The following YJU2 variants were observed in gnomAD, a reference collection of about 807,000 sequenced individuals.
YJU2 encodes YJU2 splicing factor homolog.
A neutral mutation model predicts 39.6 loss-of-function variants in YJU2; 28 were observed. The ratio of observed to expected loss-of-function variants is 0.71; its 90% CI spans 0.52 to 0.97. The LOEUF (loss-of-function observed/expected upper bound fraction) is 0.97. Ranked by LOEUF, YJU2 falls within the 50% of genes least tolerant of loss-of-function variation. The pLI is 0.00. For missense variants in YJU2, 328 were observed against 430.4 expected, an observed-to-expected ratio of 0.76 and a Z score of 2.11; for synonymous variants, 184 against 182.4, an observed-to-expected ratio of 1.01 and a Z score of -0.07.
rs59055495 is a variant in YJU2, at chr19:4,267,633, C to T, written c.718C>T (p.Pro240Ser). The T allele has an allele frequency of 1.4e-4, 225 of 1,612,932 alleles. 1 individual carries two copies. The African/African-American group carries it at 2.9e-3, about 21-fold the overall frequency. The change falls in exon 7 of 8, where the codon CCC becomes TCC. Residue 240 changes from proline to serine, a missense_variant. Pro to Ser is a moderately conservative substitution (Grantham distance 74). Coordinates refer to ENST00000262962, the MANE Select transcript of YJU2 (RefSeq NM_018074.6). ...TCCCCATCACCTGCAGGCCCCAAAG[C>T]CCAAGAGGAAGGTGGAGGTCTGGGA... ...PTAILDEAPK[P>S]KRKVEVWEQS...
intron 2 of YJU2, 90 bp from the exon 3 acceptor site, chr19:4,250,937 A>G: frequency 6.9e-7 from 1 of 1,452,514 alleles, no homozygotes; most frequent in Non-Finnish European, 9.5e-7. Context: ...GAGGCAAGCA[A>G]GCAGTGATCT....
intron 4 of YJU2, among the ~76,000 whole-genome samples, chr19:4,257,675 T>C (rs1971032643): frequency 6.6e-6 from 1 of 152,132 alleles, no homozygotes; most frequent in African/African-American, 2.4e-5. Context: ...GGTTTCGTCA[T>C]GTTGGCCAGG....
chr19:4,247,580 CGCGTGTGTGTGTGTGTGTGTGT>C (rs1970932525), intron 1 of YJU2, among the ~76,000 whole-genome samples: 1 of 46,236 alleles, frequency 2.2e-5, no homozygotes, highest in Non-Finnish European at 3.7e-5. Flanking sequence ...GGTGGGGTGG[CGCGTGTGTGTGTGTGTGTGTGT>C]GTGTGTGTGT....
chr19:4,259,084 T>C lies in YJU2; in HGVS notation c.587+661T>C, dbSNP rs1372604937. On this transcript the variant is annotated intron_variant, in intron 5 of 7. Coordinates refer to ENST00000262962, the MANE Select transcript of YJU2 (RefSeq NM_018074.6). ...GTGAACACTTTTCTTTTTTTTTTTT[T>C]TTTTTTTTTTTTTTTTGAGACGGAG... 4.5e-5 allele frequency among the ~76,000 whole-genome samples: 6 copies of C among 131,948 alleles called. No individual in the cohort carries two copies. The East Asian group carries it at 8.8e-4, about 19-fold the overall frequency. 86.6% of individuals were successfully genotyped at this position (131,948 alleles called of 152,430 possible).
At position 4,267,683 on chromosome 19, in the gene YJU2, C is replaced by T. The variant is rs1278219722; in HGVS notation, c.768C>T (p.Ser256=). 3 of 1,613,348 alleles carry T rather than the reference C, an allele frequency of 1.9e-6. No individual in the cohort carries two copies. Among genetic ancestry groups the T allele is most frequent in the Non-Finnish European group, 2.5e-6 (3 of 1,179,928 alleles). Residue 256 remains serine, a synonymous_variant, in exon 7 of 8, where the codon AGC becomes AGT. Transcript: ENST00000262962. ...VWEQSVGSLG[S]RPPLSRLVVV... ...AGCAGAGCGTTGGCAGCCTGGGCAG[C>T]CGGCCCCCGCTGTCGAGGCTGGTCG...
At chr19:4,257,699 C>G (rs1971032779) in intron 4 of YJU2, among the ~76,000 whole-genome samples, 1 of 152,118 alleles carries the variant, frequency 6.6e-6, no homozygotes, top group African/African-American at 2.4e-5. Context: ...GTCTTGAACT[C>G]CTGACCTCAA....
rs149205268 is a variant in YJU2 at position 4,251,039 on chromosome 19, C to T, written c.138C>T (p.Cys46=). The T allele has an allele frequency of 6.3e-5, 102 of 1,614,126 alleles. No homozygotes were observed. The African/African-American group carries it at 8.4e-4, about 13-fold the overall frequency. The change falls in exon 3 of 8, where the codon TGC becomes TGT. Residue 46 remains cysteine, a synonymous_variant. Transcript: ENST00000262962. ...TGCTGCCCCGCAGGTGTAAGACGTG[C>T]GGAGAATACATCTACAAGGGGAAGA... ...MAPFNMRCKT[C]GEYIYKGKKF...
chr19:4,247,431 C>G (rs1470378431), intron 1 of YJU2: 10 of 389,644 alleles, frequency 2.6e-5, no homozygotes, highest in Non-Finnish European at 4.3e-5. Flanking sequence ...CAATCACCAC[C>G]AGATAGGGTT....
At chr19:4,261,007 G>A (rs1300600241) in intron 5 of YJU2, among the ~76,000 whole-genome samples, 3 of 151,068 alleles carry the variant, frequency 2.0e-5, no homozygotes, top group African/African-American at 7.3e-5. Context: ...AGTTCACCAA[G>A]CGAGTGCTTG....
chr19:4,264,693 G>A (rs1971102644), intron 6 of YJU2, among the ~76,000 whole-genome samples: 3 of 152,112 alleles, frequency 2.0e-5, no homozygotes, highest in Admixed American at 2.0e-4. Flanking sequence ...CACCATGTTG[G>A]CCAGGCTGAT....
intron 4 of YJU2, among the ~76,000 whole-genome samples, 198 bp downstream of exon 4, chr19:4,254,687 A>G (rs1401944744): frequency 6.6e-6 from 1 of 151,966 alleles, no homozygotes; most frequent in Non-Finnish European, 1.5e-5. Flanking sequence ...TGGGAGGCTG[A>G]GGCGGGAGGA....
rs1321669297 is a variant in YJU2, at chr19:4,254,539, G to A, written c.405+50G>A. On this transcript the variant is annotated intron_variant, in intron 4 of 7. Transcript: ENST00000262962. ...TCATGGGCGCTGTGTGTGTGGGTGT[G>A]TGTGTGTGCCAATGGTTGTGCCCTT... 4.0e-6 allele frequency: 6 copies of A among 1,501,876 alleles called. No homozygotes were observed. The East Asian group carries it at 1.5e-4, about 38-fold the overall frequency. 93.0% of individuals were successfully genotyped at this position (1,501,876 alleles called of 1,614,324 possible). A position where few individuals can be genotyped will look rare whatever the true frequency, so the allele number is the denominator to read the frequency against.
At position 4,268,757 on chromosome 19, in the gene YJU2, C is replaced by A; in HGVS notation, c.*61C>A. 8.1e-7 allele frequency: 1 copy of A among 1,230,994 alleles called. No individual in the cohort carries two copies. The highest frequency in any genetic ancestry group is 1.2e-6 in the Non-Finnish European group (1 of 852,706). 76.3% of individuals were successfully genotyped at this position (1,230,994 alleles called of 1,614,324 possible). A position where few individuals can be genotyped will look rare whatever the true frequency, so the allele number is the denominator to read the frequency against. ...ACGTCCAGCTTCAGCCACATTGAGG[C>A]CAGCATTGCTGGTGGTCAGGGCAGG... On this transcript the variant is annotated 3_prime_UTR_variant, in exon 8 of 8. Transcript: ENST00000262962.
intron 4 of YJU2, among the ~76,000 whole-genome samples, chr19:4,255,181 A>C (rs947806689): frequency 2.0e-5 from 3 of 151,838 alleles, no homozygotes; most frequent in Non-Finnish European, 4.4e-5. Context: ...CCGAGATCAA[A>C]CCACTGCACT....
intron 2 of YJU2, among the ~76,000 whole-genome samples, chr19:4,249,945 G>A (rs1329816350): frequency 1.3e-5 from 2 of 152,070 alleles, no homozygotes; most frequent in Non-Finnish European, 2.9e-5. Context: ...GACCTCAGGT[G>A]ATCTGCCCTC....
At chr19:4,247,582 C>G (rs199639351) in intron 1 of YJU2, among the ~76,000 whole-genome samples, 9 of 27,326 alleles carry the variant, frequency 3.3e-4, no homozygotes, top group African/African-American at 1.4e-3. Flanking sequence ...TGGGGTGGCG[C>G]GTGTGTGTGT....
intron 6 of YJU2, among the ~76,000 whole-genome samples, chr19:4,266,810 G>A (rs974835002): frequency 3.3e-5 from 5 of 152,192 alleles, no homozygotes; most frequent in Middle Eastern, 3.4e-3. Context: ...GCGAGATCCC[G>A]TCTCTACAAA....
At chr19:4,268,520 C>T (rs372125294) in intron 7 of YJU2, 64 bp from the exon 8 acceptor site, 356 of 1,212,902 alleles carry the variant, frequency 2.9e-4, no homozygotes, top group Middle Eastern at 7.6e-4. Context: ...TGGCCGGCCC[C>T]GTGCCTTGTC....
chr19:4,259,064 C>CACTT (rs1240208820), intron 5 of YJU2, among the ~76,000 whole-genome samples: 1 of 141,386 alleles, frequency 7.1e-6, no homozygotes, highest in Non-Finnish European at 1.5e-5. Context: ...CCTGGGTGAA[C>CACTT]ACTTTTCTTT....
Sources: allele counts gnomAD v4.1 joint callset (sites outside exome capture counted in the v4.1 genomes callset), GRCh38; gene constraint gnomAD v4.1.1; transcripts MANE v1.5; gene names NCBI Gene and HGNC (gene_info 2026-07-23, HGNC 2026-07-21).